TSPO: variants seen among roughly 807,000 people sequenced by gnomAD.
TSPO encodes the protein benzodiazepine peripheral binding site.
A neutral mutation model predicts 13.9 loss-of-function variants in TSPO; 14 were observed. That is an observed-to-expected ratio of 1.01 (90% CI 0.67 to 1.58). The LOEUF is 1.58. TSPO is among the 40% of genes most tolerant of loss of function. The pLI is 0.00. For synonymous variants in TSPO, 114 were observed against 105.9 expected (o/e 1.08, Z -0.47); for missense variants, 232 against 229.6 (o/e 1.01, Z -0.07).
chr22:43,154,504 G>A (rs1601753931), intron 1 of TSPO, among the ~76,000 whole-genome samples: 1 of 151,690 alleles, frequency 6.6e-6, no homozygotes, highest in Non-Finnish European at 1.5e-5. Flanking sequence ...GATTACAGAC[G>A]TGCGCCACCA....
intron 1 of TSPO, among the ~76,000 whole-genome samples, chr22:43,156,701 G>A (rs1361364082): frequency 6.6e-6 from 1 of 152,256 alleles, no homozygotes; most frequent in Admixed American, 6.5e-5. Context: ...GCTGGGCACG[G>A]TGGCTCACGC....
Position 43,163,205 on chromosome 22 carries a change from G to A in TSPO, c.*214G>A. 1.4e-6 allele frequency: 2 copies of A among 1,380,338 alleles called. No individual in the cohort carries two copies. The highest frequency in any genetic ancestry group is 1.9e-6 in the Non-Finnish European group (2 of 1,052,844). The allele number at this position is 1,380,338 out of a possible 1,614,324, so 85.5% of individuals were successfully genotyped here. A position where few individuals can be genotyped will look rare whatever the true frequency, so the allele number is the denominator to read the frequency against. On this transcript the variant is annotated 3_prime_UTR_variant, in exon 4 of 4. Coordinates refer to ENST00000337554, the MANE Select transcript of TSPO (RefSeq NM_000714.6). ...GCTTAGAGCATGTTCTTGGAACATG[G>A]AATTTTATAAGCTGAATAAAGTTTT...
At chr22:43,160,776 G>A (rs1569480357) in intron 2 of TSPO, among the ~76,000 whole-genome samples, 1 of 152,214 alleles carries the variant, frequency 6.6e-6, no homozygotes, top group Non-Finnish European at 1.5e-5. Flanking sequence ...TTCACACCAT[G>A]TGCTTCCCTT....
chr22:43,163,071 A>G lies in TSPO; in HGVS notation c.*80A>G. On this transcript the variant is annotated 3_prime_UTR_variant, in exon 4 of 4. Transcript: ENST00000337554. Reference sequence around the variant, plus strand: ...ATGTGGTGGCCGTCACGCTTTCATGACCACTGGGCCTGCTAGTCTGTCAGG... The same window carrying G: ...ATGTGGTGGCCGTCACGCTTTCATGGCCACTGGGCCTGCTAGTCTGTCAGG... 6.5e-7 allele frequency: 1 copy of G among 1,549,934 alleles called. No individual in the cohort carries two copies. Among genetic ancestry groups the G allele is most frequent in the Non-Finnish European group, 8.7e-7 (1 of 1,147,526 alleles).
chr22:43,158,993 G>A (rs1037019467), intron 1 of TSPO, among the ~76,000 whole-genome samples: 1 of 152,180 alleles, frequency 6.6e-6, no homozygotes, highest in African/African-American at 2.4e-5. Flanking sequence ...ACCCAAGGTC[G>A]AGGTGAGGGT....
intron 1 of TSPO, among the ~76,000 whole-genome samples, chr22:43,153,869 C>T (rs1216182692): frequency 6.6e-6 from 1 of 152,016 alleles, no homozygotes; most frequent in Non-Finnish European, 1.5e-5. Flanking sequence ...CTGCAACCTC[C>T]GCCTCCAGAG....
In TSPO at chr22:43,162,793, A is replaced by G. The variant is rs762588689; in HGVS notation, c.322-10A>G. 4 of 1,555,036 alleles carry G rather than the reference A, an allele frequency of 2.6e-6. No individual in the cohort carries two copies. Among genetic ancestry groups the G allele is most frequent in the East Asian group, 2.3e-5 (1 of 43,152 alleles). On this transcript the variant is annotated splice_polypyrimidine_tract_variant and intron_variant, in intron 3 of 3. Transcript: ENST00000337554. ...AGGCCTCCCCATCCTCCGTCCCCCAATCTCTGCAGGCCTTGGTGGATCTCC... is the reference window on the plus strand; with the variant it reads ...AGGCCTCCCCATCCTCCGTCCCCCAGTCTCTGCAGGCCTTGGTGGATCTCC...
chr22:43,158,316 C>A (rs1381357872), intron 1 of TSPO, among the ~76,000 whole-genome samples: 2 of 152,208 alleles, frequency 1.3e-5, no homozygotes, highest in African/African-American at 4.8e-5. Flanking sequence ...CCACTCAGGG[C>A]CTCCCCAGCC....
At chr22:43,155,620 CGTT>C (rs377746594) in intron 1 of TSPO, among the ~76,000 whole-genome samples, 104 of 152,266 alleles carry the variant, frequency 6.8e-4, no homozygotes, top group African/African-American at 2.2e-3. Flanking sequence ...TTCAGGGAAA[CGTT>C]GTTGTCCCAC....
At chr22:43,152,983 A>G (rs1378670888) in intron 1 of TSPO, among the ~76,000 whole-genome samples, 1 of 88,192 alleles carries the variant, frequency 1.1e-5, no homozygotes, top group Non-Finnish European at 2.4e-5. Flanking sequence ...CCTACTTTTC[A>G]CTTTAGCTTG....
rs1052119233 is a variant in TSPO at position 43,153,336 on chromosome 22, C to CTT, written c.-30+1757_-30+1758dup. On this transcript the variant is annotated intron_variant, in intron 1 of 3. Coordinates refer to ENST00000337554, the MANE Select transcript of TSPO (RefSeq NM_000714.6). ...ACTGTTCCTGGCTTATTTGTGTTTT[C>CTT]TTTTTTTTTTTTTTTTTTTTTTTTT... is the stretch of plus-strand genomic sequence containing the variant. Among the ~76,000 whole-genome samples the CTT allele has an allele frequency of 7.1e-4, 36 of 50,724 alleles. 2 individuals are homozygous for CTT. Among genetic ancestry groups the CTT allele is most frequent in the African/African-American group, 1.2e-3 (12 of 10,242 alleles). The allele number at this position is 50,724 out of a possible 152,430, so 33.3% of individuals were successfully genotyped here.
intron 3 of TSPO, among the ~76,000 whole-genome samples, chr22:43,161,873 G>C (rs1372827051): frequency 6.6e-6 from 1 of 151,832 alleles, no homozygotes; most frequent in African/African-American, 2.4e-5. Context: ...GGGCAGACTC[G>C]ACTTCCTGGG....
chr22:43,159,342 C>G lies in TSPO; in HGVS notation c.104C>G (p.Ala35Gly), dbSNP rs1601757843. The change falls in exon 2 of 4, where the codon GCC becomes GGC. Residue 35 changes from alanine to glycine, a missense_variant. Ala to Gly is a moderately conservative substitution (Grantham distance 60, BLOSUM62 0). Coordinates refer to ENST00000337554, the MANE Select transcript of TSPO (RefSeq NM_000714.6). The stretch of plus-strand genomic sequence containing the variant: ...CACGGCGAGGGTCTCCGCTGGTACG[C>G]CGGCCTGCAGAAGCCCTCGTGGCAC... ...FVHGEGLRWY[A>G]GLQKPSWHPP... The G allele has an allele frequency of 6.5e-7, 1 of 1,547,796 alleles. No homozygotes were observed. The highest frequency in any genetic ancestry group is 8.7e-7 in the Non-Finnish European group (1 of 1,146,420).
At chr22:43,161,438 C>T (rs1438917419) in intron 3 of TSPO, among the ~76,000 whole-genome samples, 2 of 152,038 alleles carry the variant, frequency 1.3e-5, no homozygotes, top group Non-Finnish European at 2.9e-5. Context: ...AAAACCCACA[C>T]GAAGCCTGGT....
chr22:43,156,163 G>A (rs1283673636), intron 1 of TSPO, among the ~76,000 whole-genome samples: 8 of 152,224 alleles, frequency 5.3e-5, no homozygotes, highest in East Asian at 1.9e-4. Context: ...GTGTGAGCAC[G>A]GGACTCAGAA....
chr22:43,153,072 CTT>C (rs768067983), intron 1 of TSPO, among the ~76,000 whole-genome samples: 2 of 123,950 alleles, frequency 1.6e-5, no homozygotes, highest in South Asian at 3.4e-4. Context: ...TCTTCTTTCT[CTT>C]TCTTTCTTTC....
intron 1 of TSPO, among the ~76,000 whole-genome samples, chr22:43,158,960 G>A (rs1268609360): frequency 6.6e-6 from 1 of 152,166 alleles, no homozygotes; most frequent in Non-Finnish European, 1.5e-5. Flanking sequence ...GGCCTTGGAA[G>A]AGAGGAGGGG....
Position 43,163,202 on chromosome 22 carries a change from A to G in TSPO, c.*211A>G. ...CATGCTTAGAGCATGTTCTTGGAAC[A>G]TGGAATTTTATAAGCTGAATAAAGT... On this transcript the variant is annotated 3_prime_UTR_variant, in exon 4 of 4. Coordinates refer to ENST00000337554, the MANE Select transcript of TSPO (RefSeq NM_000714.6). 2 of 1,387,376 alleles carry G rather than the reference A, an allele frequency of 1.4e-6. No homozygotes were observed. The allele number at this position is 1,387,376 out of a possible 1,614,324, so 85.9% of individuals were successfully genotyped here. A position where few individuals can be genotyped will look rare whatever the true frequency, so the allele number is the denominator to read the frequency against.
intron 1 of TSPO, among the ~76,000 whole-genome samples, chr22:43,158,902 C>T (rs1931339152): frequency 6.6e-6 from 1 of 151,796 alleles, no homozygotes; most frequent in Non-Finnish European, 1.5e-5. Flanking sequence ...GGGGACTTGA[C>T]CCAGGGAGGC....
Sources: gnomAD v4.1 joint callset for allele counts (sites outside exome capture counted in the v4.1 genomes callset) on GRCh38, gnomAD v4.1.1 for gene constraint, MANE v1.5 for transcripts, NCBI Gene and HGNC (gene_info 2026-07-23, HGNC 2026-07-21) for gene names.